The following TAF12 variants were observed in gnomAD, a reference collection of about 807,000 sequenced individuals.
TAF12 encodes TATA-box binding protein associated factor 12, also known as transcription initiation factor TFIID subunit 12.
In TAF12, 3 loss-of-function variants were observed where a neutral mutation model predicts 20.8. The observed-to-expected ratio is 0.14, with a 90% CI of 0.07 to 0.37. The LOEUF is 0.37. Ranked by LOEUF, TAF12 falls within the 10% of genes least tolerant of loss-of-function variation. TAF12 has a pLI of 1.00. For synonymous variants in TAF12, 69 were observed against 70.2 expected (o/e 0.98, Z 0.09); for missense variants, 131 against 197.9 (o/e 0.66, Z 2.03).
intron 3 of TAF12, among the ~76,000 whole-genome samples, chr1:28,616,315 G>C (rs1667038910): frequency 6.6e-6 from 1 of 150,592 alleles, no homozygotes; most frequent in Admixed American, 6.7e-5. Context: ...AGAATCACTT[G>C]AACCTGGGAG....
At position 28,622,064 on chromosome 1, in the gene TAF12, G is replaced by A; in HGVS notation, c.18C>T (p.Pro6=). 1.2e-6 allele frequency: 2 copies of A among 1,613,258 alleles called. No homozygotes were observed. The highest frequency in any genetic ancestry group is 1.7e-6 in the Non-Finnish European group (2 of 1,179,900). ...AATTGGAGAGGTTGATTAGGGCTGA[G>A]GGGCCAAACTGGTTCATAATCTGCC... The part of the protein sequence containing the change: MNQFG[P]SALINLSNFS... The change falls in exon 2 of 6, where the codon CCC becomes CCT. Residue 6 remains proline, a synonymous_variant. Transcript: ENST00000373824.
At chr1:28,604,122 G>A (rs1416449451) in intron 5 of TAF12, among the ~76,000 whole-genome samples, 1 of 152,058 alleles carries the variant, frequency 6.6e-6, no homozygotes, top group African/African-American at 2.4e-5. Flanking sequence ...CCGGGCTGGT[G>A]TCAAACTCCT....
Position 28,622,053 on chromosome 1 carries a change from A to G in TAF12, c.29T>C (p.Ile10Thr). 6.2e-7 allele frequency: 1 copy of G among 1,613,832 alleles called. No individual in the cohort carries two copies. The highest frequency in any genetic ancestry group is 8.5e-7 in the Non-Finnish European group (1 of 1,179,994). The change falls in exon 2 of 6, where the codon ATC becomes ACC. Residue 10 changes from isoleucine (I) to threonine (T), a missense_variant. By Grantham distance (89) the Ile-to-Thr change is moderately conservative. Transcript: ENST00000373824. MNQFGPSAL[I>T]NLSNFSSIKP... ...TATGGATGAGAAATTGGAGAGGTTG[A>G]TTAGGGCTGAGGGGCCAAACTGGTT...
intron 1 of TAF12, among the ~76,000 whole-genome samples, chr1:28,640,675 C>T (rs1668001010): frequency 6.6e-6 from 1 of 152,126 alleles, no homozygotes. Flanking sequence ...CCCCACCATC[C>T]TTATCCAAAA....
At chr1:28,644,155 G>A (rs188118982), upstream of TAF12, among the ~76,000 whole-genome samples, 1 of 152,170 alleles carries the variant, frequency 6.6e-6, no homozygotes, top group African/African-American at 2.4e-5. Flanking sequence ...CAGTAAGATG[G>A]AGAAGAACCC....
intron 3 of TAF12, among the ~76,000 whole-genome samples, chr1:28,615,743 G>C (rs1467451023): frequency 7.4e-6 from 1 of 135,294 alleles, no homozygotes; most frequent in African/African-American, 2.8e-5. Context: ...CAAGATAGGA[G>C]ACTGGAATTT....
In TAF12 at chr1:28,611,010, C is replaced by G. The variant is rs1213606731; in HGVS notation, c.361+2237G>C. Among the ~76,000 whole-genome samples the G allele has an allele frequency of 6.0e-5, 9 of 151,062 alleles. No homozygotes were observed. The South Asian group carries it at 1.3e-3, about 21-fold the overall frequency. On this transcript the variant is annotated intron_variant, in intron 4 of 5. Transcript: ENST00000373824. ...ACAGGTGGAGTCTGTGTTCCCTCCC[C>G]CTGAACCTGGACAGGTTTCTGACTG...
rs562419939 is a variant in TAF12 at position 28,639,883 on chromosome 1, C to T, written c.-85+3109G>A. On this transcript the variant is annotated intron_variant, in intron 1 of 5. Transcript: ENST00000373824. ...TTCAGACAGAGTCTCATTCTGTTGT[C>T]CAGGCTGGAGTACAGTGACACAATC... is the stretch of plus-strand genomic sequence containing the variant. Among the ~76,000 whole-genome samples, 19 of 151,288 alleles carry T rather than the reference C, an allele frequency of 1.3e-4. No individual in the cohort carries two copies. The East Asian group carries it at 3.7e-3, about 29-fold the overall frequency.
At chr1:28,610,360 T>C (rs1475989853) in intron 4 of TAF12, among the ~76,000 whole-genome samples, 2 of 152,180 alleles carry the variant, frequency 1.3e-5, no homozygotes, top group African/African-American at 2.4e-5. Context: ...AGTGGCATGA[T>C]AGCTCACTGC....
At chr1:28,615,197 C>T (rs184344277) in intron 3 of TAF12, among the ~76,000 whole-genome samples, 2 of 152,192 alleles carry the variant, frequency 1.3e-5, no homozygotes, top group Admixed American at 1.3e-4. Context: ...GCAGCTTCTG[C>T]TGACAAACAA....
rs906029666 is a variant in TAF12, at chr1:28,622,341, G to C, written c.-84-176C>G. On this transcript the variant is annotated intron_variant, in intron 1 of 5. Coordinates refer to ENST00000373824, the MANE Select transcript of TAF12 (RefSeq NM_005644.4). ...TCAAGACCAGCTTGGGCAACATAGC[G>C]AGACCTAGTCTCTACCAAGAAAAAA... is the stretch of plus-strand genomic sequence containing the variant. Among the ~76,000 whole-genome samples the C allele has an allele frequency of 2.9e-5, 4 of 137,714 alleles. No individual in the cohort carries two copies. The Admixed American group carries it at 3.1e-4, about 11-fold the overall frequency. The allele number at this position is 137,714 out of a possible 152,430, so 90.3% of individuals were successfully genotyped here.
intron 1 of TAF12, among the ~76,000 whole-genome samples, chr1:28,628,241 G>T (rs1248251254): frequency 1.2e-5 from 1 of 84,112 alleles, no homozygotes; most frequent in Admixed American, 1.1e-4. Context: ...GGGGGGGGGG[G>T]GCGCCTGTAA....
chr1:28,615,508 G>T (rs1043511472), intron 3 of TAF12, among the ~76,000 whole-genome samples: 1 of 151,430 alleles, frequency 6.6e-6, no homozygotes, highest in Non-Finnish European at 1.5e-5. Flanking sequence ...GTGAAACCCC[G>T]TCTCTACTAA....
intron 1 of TAF12, among the ~76,000 whole-genome samples, chr1:28,637,432 C>T (rs181342694): frequency 9.2e-4 from 140 of 151,998 alleles, no homozygotes; most frequent in African/African-American, 2.2e-3. Flanking sequence ...TTTGGGAGGC[C>T]GAGGCAGGCG....
At chr1:28,633,547 C>T (rs888257023) in intron 1 of TAF12, among the ~76,000 whole-genome samples, 11 of 150,950 alleles carry the variant, frequency 7.3e-5, no homozygotes, top group Non-Finnish European at 1.2e-4. Flanking sequence ...GAGGCTGAGG[C>T]GGGCAGATCA....
At chr1:28,606,549 C>T (rs1435329780) in intron 4 of TAF12, among the ~76,000 whole-genome samples, 1 of 152,164 alleles carries the variant, frequency 6.6e-6, no homozygotes, top group Non-Finnish European at 1.5e-5. Flanking sequence ...GCATCAGTCA[C>T]CATGCCTGGC....
At chr1:28,640,330 C>G (rs186787944) in intron 1 of TAF12, among the ~76,000 whole-genome samples, 31 of 152,192 alleles carry the variant, frequency 2.0e-4, no homozygotes, top group African/African-American at 7.0e-4. Context: ...TTTAGAGGAG[C>G]CTTAAGAAGG....
chr1:28,617,376 C>G (rs1667076312), intron 3 of TAF12, among the ~76,000 whole-genome samples: 1 of 151,662 alleles, frequency 6.6e-6, no homozygotes, highest in Non-Finnish European at 1.5e-5. Context: ...CCTCGGCCTT[C>G]TGGGTTTAAG....
At chr1:28,614,160 C>T (rs776906743) in intron 3 of TAF12, among the ~76,000 whole-genome samples, 1 of 152,064 alleles carries the variant, frequency 6.6e-6, no homozygotes, top group Non-Finnish European at 1.5e-5. Context: ...ATTACCTGAA[C>T]CTGGGAGGCG....
Sources: gnomAD v4.1 joint callset for allele counts (sites outside exome capture counted in the v4.1 genomes callset) on GRCh38, gnomAD v4.1.1 for gene constraint, MANE v1.5 for transcripts, NCBI Gene and HGNC (gene_info 2026-07-23, HGNC 2026-07-21) for gene names.